PTPRT: variants seen among roughly 807,000 people sequenced by gnomAD.
PTPRT encodes protein tyrosine phosphatase receptor type T.
Under a neutral mutation model 176.8 loss-of-function variants are expected in PTPRT, and 56 were observed. The ratio of observed to expected loss-of-function variants is 0.32; its 90% CI spans 0.26 to 0.40. PTPRT has a LOEUF of 0.40. Among genes scored for constraint, PTPRT ranks in the 10% least tolerant of loss-of-function variants. The pLI is 1.00. For missense variants in PTPRT, 1,540 were observed against 1,908.2 expected, an observed-to-expected ratio of 0.81 and a Z score of 3.60; for synonymous variants, 783 against 739.0, an observed-to-expected ratio of 1.06 and a Z score of -0.96.
chr20:43,008,545 G>T (rs1459479129), intron 1 of PTPRT, among the ~76,000 whole-genome samples: 4 of 152,018 alleles, frequency 2.6e-5, no homozygotes, highest in African/African-American at 4.8e-5. Flanking sequence ...ACAAAAGTTA[G>T]CTGGGCATGG....
chr20:42,270,874 C>G (rs1026318155), intron 13 of PTPRT, among the ~76,000 whole-genome samples: 1 of 152,106 alleles, frequency 6.6e-6, no homozygotes, highest in Admixed American at 6.5e-5. Flanking sequence ...CTCCTTTTTT[C>G]TGATGTCCCT....
Position 42,737,262 on chromosome 20 carries a change from G to A in PTPRT, c.859+19200C>T, listed in dbSNP as rs191716366. ...CACAGAGAGAAGAAGGCCATGTGAC[G>A]ACAGAGGCAGAGACAGGAATGATGC... On this transcript the variant is annotated intron_variant, in intron 6 of 30. Coordinates refer to ENST00000373187, the MANE Select transcript of PTPRT (RefSeq NM_007050.6). Among the ~76,000 whole-genome samples, 11 of 152,304 alleles carry A rather than the reference G, an allele frequency of 7.2e-5. No individual in the cohort carries two copies. In the East Asian group the frequency reaches 1.9e-3, roughly 27 times the overall value.
intron 7 of PTPRT, among the ~76,000 whole-genome samples, chr20:42,633,942 T>C (rs189819027): frequency 6.1e-5 from 3 of 49,450 alleles, no homozygotes; most frequent in Non-Finnish European, 1.1e-4. Flanking sequence ...AATAATATAA[T>C]ATAATATATA....
chr20:42,416,760 G>A (rs747259436), intron 9 of PTPRT, among the ~76,000 whole-genome samples: 2 of 152,144 alleles, frequency 1.3e-5, no homozygotes, highest in African/African-American at 4.8e-5. Flanking sequence ...ATATTACATA[G>A]TGACTGAATA....
intron 22 of PTPRT, among the ~76,000 whole-genome samples, chr20:42,114,068 C>T (rs909957812): frequency 2.0e-5 from 3 of 152,236 alleles, no homozygotes; most frequent in Non-Finnish European, 4.4e-5. Context: ...AAGGGCACAG[C>T]TCTCAAAGCA....
At chr20:42,665,913 A>T (rs987211023) in intron 7 of PTPRT, among the ~76,000 whole-genome samples, 1 of 132,336 alleles carries the variant, frequency 7.6e-6, no homozygotes, top group Non-Finnish European at 1.6e-5. Flanking sequence ...TGGACACAGG[A>T]GGGGGAACAT....
intron 9 of PTPRT, among the ~76,000 whole-genome samples, chr20:42,410,254 T>G (rs1262524989): frequency 1.3e-5 from 2 of 152,076 alleles, no homozygotes; most frequent in African/African-American, 4.8e-5. Flanking sequence ...AGGAGTAGGT[T>G]TAAAAGACAT....
At chr20:42,636,077 A>C (rs978169827) in intron 7 of PTPRT, among the ~76,000 whole-genome samples, 2 of 152,172 alleles carry the variant, frequency 1.3e-5, no homozygotes, top group Admixed American at 1.3e-4. Flanking sequence ...CAATTTGAAT[A>C]ATATTAGGCT....
Position 42,366,967 on chromosome 20 carries a change from G to T in PTPRT, c.1561-14682C>A, listed in dbSNP as rs983739670. On this transcript the variant is annotated intron_variant, in intron 9 of 30. Coordinates refer to ENST00000373187, the MANE Select transcript of PTPRT (RefSeq NM_007050.6). ...ACGTTGCCTTTTTTTCCCTTAAAAT[G>T]TACTTCTTGGATTGTGTTTCTTTAT... Among the ~76,000 whole-genome samples, 3 of 152,180 alleles carry T rather than the reference G, an allele frequency of 2.0e-5. No individual in the cohort carries two copies. In the East Asian group the frequency reaches 5.8e-4, roughly 29 times the overall value.
At chr20:42,326,486 G>A (rs2145418874) in intron 11 of PTPRT, among the ~76,000 whole-genome samples, 2 of 152,290 alleles carry the variant, frequency 1.3e-5, no homozygotes, top group East Asian at 3.9e-4. Flanking sequence ...ATTCAGTAAA[G>A]TAGTTTTGTA....
At chr20:42,326,647 C>T (rs1207726081) in intron 11 of PTPRT, among the ~76,000 whole-genome samples, 2 of 152,084 alleles carry the variant, frequency 1.3e-5, no homozygotes, top group Non-Finnish European at 2.9e-5. Flanking sequence ...TAAAACTCTA[C>T]TGAATGATTT....
chr20:42,822,089 C>G (rs2077904544), intron 2 of PTPRT, among the ~76,000 whole-genome samples: 1 of 150,182 alleles, frequency 6.7e-6, no homozygotes. Context: ...CAAAGAAGAC[C>G]CCAAGACAAT....
At chr20:42,956,226 T>C (rs1981624062) in intron 1 of PTPRT, among the ~76,000 whole-genome samples, 1 of 152,096 alleles carries the variant, frequency 6.6e-6, no homozygotes, top group South Asian at 2.1e-4. Context: ...CTAAATCTCA[T>C]ATTGAACTGT....
chr20:42,069,468 A>G (rs1489684834), downstream of PTPRT, among the ~76,000 whole-genome samples: 3 of 152,142 alleles, frequency 2.0e-5, no homozygotes, highest in Non-Finnish European at 4.4e-5. Context: ...TGATCCAGGT[A>G]TATGGCAGGT....
intron 11 of PTPRT, among the ~76,000 whole-genome samples, chr20:42,322,945 C>T (rs1487828730): frequency 2.0e-5 from 3 of 151,852 alleles, no homozygotes; most frequent in African/African-American, 4.8e-5. Context: ...AAAAAGTGGG[C>T]GAAGGACATG....
intron 11 of PTPRT, among the ~76,000 whole-genome samples, chr20:42,348,957 G>A (rs190942705): frequency 4.6e-5 from 7 of 152,198 alleles, no homozygotes; most frequent in Admixed American, 2.0e-4. Context: ...CAAGAGTATA[G>A]AGATTCAGAG....
intron 1 of PTPRT, among the ~76,000 whole-genome samples, chr20:43,134,537 G>A (rs1374513772): frequency 6.6e-6 from 1 of 152,070 alleles, no homozygotes; most frequent in Admixed American, 6.5e-5. Context: ...TCCCCACCCT[G>A]CTCCTTGGCT....
chr20:42,684,449 T>C (rs944649555), intron 6 of PTPRT, among the ~76,000 whole-genome samples: 1 of 152,184 alleles, frequency 6.6e-6, no homozygotes, highest in Non-Finnish European at 1.5e-5. Flanking sequence ...TTGATAAGTT[T>C]TCCCAAAGTG....
At chr20:42,039,490 C>T in the PTPRT span, among the ~76,000 whole-genome samples, 7 of 152,060 alleles carry the variant, frequency 4.6e-5, no homozygotes, top group African/African-American at 9.6e-5. Context: ...TCCTCCCACT[C>T]CCTGCCCCCA....
Sources: allele counts gnomAD v4.1 joint callset (sites outside exome capture counted in the v4.1 genomes callset), GRCh38; gene constraint gnomAD v4.1.1; transcripts MANE v1.5; gene names NCBI Gene and HGNC (gene_info 2026-07-23, HGNC 2026-07-21).